Variants in PTPRM observed in about 807,000 individuals in gnomAD.
PTPRM encodes receptor-type tyrosine-protein phosphatase mu.
PTPRM carries 47 observed loss-of-function variants against 186.7 expected under a neutral mutation model. The observed-to-expected ratio is 0.25, with a 90% CI of 0.20 to 0.32. PTPRM has a LOEUF of 0.32. Among genes scored for constraint, PTPRM ranks in the 10% least tolerant of loss-of-function variants. The probability of loss-of-function intolerance (pLI) is 1.00; values close to 1 mark genes in which losing one functional copy is unlikely to be tolerated. For missense variants in PTPRM, 1,494 were observed against 1,865.0 expected (o/e 0.80, Z 3.66); for synonymous variants, 668 against 674.9 (o/e 0.99, Z 0.16).
At chr18:7,848,130 C>A (rs1299050515) in intron 2 of PTPRM, among the ~76,000 whole-genome samples, 1 of 152,144 alleles carries the variant, frequency 6.6e-6, no homozygotes, top group African/African-American at 2.4e-5. Flanking sequence ...GGTTGGTCTC[C>A]CCCTTCACTG....
chr18:8,054,625 GC>G (rs1180486343), intron 7 of PTPRM, among the ~76,000 whole-genome samples: 2 of 151,806 alleles, frequency 1.3e-5, no homozygotes, highest in African/African-American at 4.8e-5. Context: ...TCTGAGCATT[GC>G]CCTACCTGTG....
chr18:8,365,421 GCAGCCATC>G (rs1428447033), intron 23 of PTPRM, among the ~76,000 whole-genome samples: 8 of 152,238 alleles, frequency 5.3e-5, no homozygotes, highest in Admixed American at 5.2e-4. Context: ...ATGTCAGAAT[GCAGCCATC>G]CAGTGTGTCC....
At chr18:8,157,063 G>T (rs930144211) in intron 14 of PTPRM, among the ~76,000 whole-genome samples, 1 of 152,050 alleles carries the variant, frequency 6.6e-6, no homozygotes, top group Admixed American at 6.5e-5. Flanking sequence ...CAAATGCTGG[G>T]GTCTTCCGTG....
At chr18:7,803,673 G>C (rs1029319419) in intron 2 of PTPRM, among the ~76,000 whole-genome samples, 1 of 152,208 alleles carries the variant, frequency 6.6e-6, no homozygotes, top group African/African-American at 2.4e-5. Context: ...AGAAGAGAAG[G>C]GGCTGAAGAA....
intron 2 of PTPRM, among the ~76,000 whole-genome samples, chr18:7,876,172 A>G (rs1377477366): frequency 1.3e-5 from 2 of 151,938 alleles, no homozygotes; most frequent in Admixed American, 6.6e-5. Flanking sequence ...AAACGTCTGT[A>G]TTGATATAAA....
At chr18:8,103,261 A>G (rs778781837) in intron 11 of PTPRM, among the ~76,000 whole-genome samples, 1 of 152,172 alleles carries the variant, frequency 6.6e-6, no homozygotes, top group Non-Finnish European at 1.5e-5. Context: ...TTGACACCAG[A>G]CATTGACTTC....
chr18:7,780,133 A>G (rs2042783453), intron 2 of PTPRM, among the ~76,000 whole-genome samples: 2 of 152,264 alleles, frequency 1.3e-5, no homozygotes, highest in South Asian at 4.1e-4. Context: ...GTGGCAGCAC[A>G]GTATTTTCAG....
chr18:7,935,333 A>G (rs185706832), intron 5 of PTPRM, among the ~76,000 whole-genome samples: 47 of 152,278 alleles, frequency 3.1e-4, no homozygotes, highest in African/African-American at 9.9e-4. Context: ...CTATATTTAT[A>G]TAATATACTG....
chr18:8,312,604 A>G (rs541934052), intron 20 of PTPRM, among the ~76,000 whole-genome samples: 1 of 152,196 alleles, frequency 6.6e-6, no homozygotes, highest in African/African-American at 2.4e-5. Flanking sequence ...CAGTAATCCC[A>G]CAAGGTAGGC....
At position 8,305,001 on chromosome 18, in the gene PTPRM, A is replaced by G. The variant is rs1430645074; in HGVS notation, c.2842+8546A>G. 2.0e-5 allele frequency among the ~76,000 whole-genome samples: 3 copies of G among 152,292 alleles called. No homozygotes were observed. The East Asian group carries it at 5.8e-4, about 29-fold the overall frequency. On this transcript the variant is annotated intron_variant, in intron 20 of 32. Transcript: ENST00000580170. ...GAAACCTCATTCTTCCAGTTGTCCCACTGTGCATACCTACACGTACACCAA... is the reference window on the plus strand; with the variant it reads ...GAAACCTCATTCTTCCAGTTGTCCCGCTGTGCATACCTACACGTACACCAA...
intron 2 of PTPRM, among the ~76,000 whole-genome samples, chr18:7,852,964 A>G (rs1032377286): frequency 2.0e-5 from 3 of 152,250 alleles, no homozygotes; most frequent in Non-Finnish European, 4.4e-5. Flanking sequence ...GACTTTAGGC[A>G]AGAAACTTAA....
intron 7 of PTPRM, among the ~76,000 whole-genome samples, chr18:8,013,318 G>A (rs76192786): frequency 0.021 from 3,225 of 152,234 alleles, 45 homozygotes; most frequent in African/African-American, 0.044. Context: ...CGTCTAACTT[G>A]TGGCTCCCCA....
intron 2 of PTPRM, among the ~76,000 whole-genome samples, chr18:7,869,048 C>G (rs1486368738): frequency 1.3e-5 from 2 of 152,186 alleles, no homozygotes; most frequent in Non-Finnish European, 2.9e-5. Context: ...ACCCCTCGCC[C>G]AGCAAGCTGG....
At chr18:8,211,377 C>CTTTTTTTTTTTTTTTTTTTT (rs970926126) in intron 14 of PTPRM, among the ~76,000 whole-genome samples, 45 of 87,232 alleles carry the variant, frequency 5.2e-4, no homozygotes, top group Non-Finnish European at 6.3e-4. Flanking sequence ...GTCTCTTCTT[C>CTTTTTTTTTTTTTTTTTTTT]TTTTTTTTTT....
In PTPRM at chr18:8,401,101, G is replaced by A. The variant is rs184781043; in HGVS notation, c.4345-5008G>A. Among the ~76,000 whole-genome samples, 705 of 151,132 alleles carry A rather than the reference G, an allele frequency of 4.7e-3. 7 individuals carry two copies. The highest frequency in any genetic ancestry group is 0.017 in the African/African-American group (682 of 40,976). ...CCCCTACACTCAGCACCAGCCAAGC[G>A]CCTGGCTCCCAGGAGTTTCCCAGTA... On this transcript the variant is annotated intron_variant, in intron 32 of 32. Coordinates refer to ENST00000580170, the MANE Select transcript of PTPRM (RefSeq NM_001105244.2).
intron 1 of PTPRM, among the ~76,000 whole-genome samples, chr18:7,596,901 T>C (rs2037277095): frequency 6.6e-6 from 1 of 152,090 alleles, no homozygotes; most frequent in Non-Finnish European, 1.5e-5. Flanking sequence ...TCACCCAGGC[T>C]GGAGTGCATT....
At chr18:7,995,300 G>C (rs1355811444) in intron 7 of PTPRM, among the ~76,000 whole-genome samples, 2 of 152,030 alleles carry the variant, frequency 1.3e-5, no homozygotes, top group Non-Finnish European at 2.9e-5. Flanking sequence ...TCCCAACAAA[G>C]AAAAGCCCAG....
intron 7 of PTPRM, among the ~76,000 whole-genome samples, chr18:8,044,371 A>G (rs2086884410): frequency 6.6e-6 from 1 of 152,226 alleles, no homozygotes; most frequent in Non-Finnish European, 1.5e-5. Context: ...TAAATTAACC[A>G]TCCCTAGGTG....
At chr18:7,764,746 G>A (rs1390068119) in intron 1 of PTPRM, among the ~76,000 whole-genome samples, 2 of 152,194 alleles carry the variant, frequency 1.3e-5, no homozygotes, top group African/African-American at 4.8e-5. Context: ...TGGGACTCAG[G>A]ACAACAGTGA....
Sources: gnomAD v4.1 joint callset for allele counts (sites outside exome capture counted in the v4.1 genomes callset) on GRCh38, gnomAD v4.1.1 for gene constraint, MANE v1.5 for transcripts, NCBI Gene and HGNC (gene_info 2026-07-23, HGNC 2026-07-21) for gene names.